HERC6: variants seen among roughly 807,000 people sequenced by gnomAD.
The protein encoded by HERC6 is probable E3 ubiquitin-protein ligase HERC6.
In HERC6, 101 loss-of-function variants were observed where a neutral mutation model predicts 114.5. That is an observed-to-expected ratio of 0.88 (90% confidence interval 0.75 to 1.04). The LOEUF (loss-of-function observed/expected upper bound fraction) is 1.04. Ranked by LOEUF, HERC6 falls within the 50% of genes least tolerant of loss-of-function variation. HERC6 has a pLI of 0.00. For missense variants in HERC6, 1,133 were observed against 1,230.9 expected, an observed-to-expected ratio of 0.92 and a Z score of 1.19; for synonymous variants, 408 against 436.2, an observed-to-expected ratio of 0.94 and a Z score of 0.81.
Position 88,428,691 on chromosome 4 carries a change from A to G in HERC6, c.2047A>G (p.Lys683Glu), listed in dbSNP as rs1025007992. Residue 683 changes from lysine to glutamate, a missense_variant, in exon 16 of 23, where the codon AAA (lysine) becomes GAA (glutamate). This residue lies in a region of HERC6 where 388 missense variants were observed against 445.9 expected (regional missense o/e 0.87). Transcript: ENST00000264346. ...TAGAGTCAGACGAAGTCGCCTGGTT[A>G]AAGATGCTCTGCGTCAATTAAGTCA... ...ILRVRRSRLV[K>E]DALRQLSQAE... The G allele has an allele frequency of 7.5e-6, 12 of 1,600,040 alleles. No individual in the cohort carries two copies. Among genetic ancestry groups the G allele is most frequent in the Middle Eastern group, 1.7e-4 (1 of 6,028 alleles).
chr4:88,404,370 G>C (rs1459567966), intron 8 of HERC6, among the ~76,000 whole-genome samples: 3 of 151,954 alleles, frequency 2.0e-5, no homozygotes, highest in East Asian at 1.9e-4. Context: ...TGTATTTTTA[G>C]TAGAGACAAG....
intron 8 of HERC6, among the ~76,000 whole-genome samples, chr4:88,400,055 C>G (rs1336060906): frequency 6.6e-6 from 1 of 152,142 alleles, no homozygotes; most frequent in Non-Finnish European, 1.5e-5. Flanking sequence ...AAGAGCTCGA[C>G]AAGATGGAGC....
chr4:88,383,458 T>C, intron 2 of HERC6, 78 bp downstream of exon 2: 1 of 1,182,264 alleles, frequency 8.5e-7, no homozygotes, highest in Non-Finnish European at 1.1e-6. Context: ...GATGCCAGGA[T>C]ACAAAGACGA....
chr4:88,401,295 C>T (rs560027157), intron 8 of HERC6, among the ~76,000 whole-genome samples: 1 of 151,896 alleles, frequency 6.6e-6, no homozygotes, highest in South Asian at 2.1e-4. Flanking sequence ...GAGTTCAAGA[C>T]CAGCCTGGCC....
Position 88,440,182 on chromosome 4 carries a change from A to T in HERC6, c.2774A>T (p.His925Leu). The change falls in exon 22 of 23, where the codon CAT becomes CTT. Residue 925 changes from histidine (H) to leucine (L), a missense_variant. By Grantham distance (99) the His-to-Leu change is moderately conservative. Coordinates refer to ENST00000264346, the MANE Select transcript of HERC6 (RefSeq NM_017912.4). ...SKYEQGYQKS[H>L]PTIQLFWKAF... The stretch of plus-strand genomic sequence containing the variant: ...TATGAGCAAGGATACCAAAAATCAC[A>T]TCCTACTATACAGTTGTTTTGGAAG... 1.2e-6 allele frequency: 2 copies of T among 1,609,280 alleles called. No homozygotes were observed. Among genetic ancestry groups the T allele is most frequent in the Non-Finnish European group, 1.7e-6 (2 of 1,177,430 alleles).
intron 11 of HERC6, among the ~76,000 whole-genome samples, chr4:88,411,011 G>T (rs573951821): frequency 1.3e-5 from 2 of 152,166 alleles, no homozygotes; most frequent in Admixed American, 6.6e-5. Flanking sequence ...CTCCAAAAAG[G>T]CATCTCAAAT....
In HERC6 at chr4:88,405,625, A is replaced by C. The variant is rs774275470; in HGVS notation, c.1274+12A>C. ...TTTTTAAAGAAAAGGTAATACTTAC[A>C]TAAGATTTACCTTCATTTAAAACAC... On this transcript the variant is annotated intron_variant, in intron 10 of 22. Coordinates refer to ENST00000264346, the MANE Select transcript of HERC6 (RefSeq NM_017912.4). 6.5e-6 allele frequency: 9 copies of C among 1,379,012 alleles called. No homozygotes were observed. The highest frequency in any genetic ancestry group is 2.0e-5 in the Admixed American group (1 of 49,844). 85.4% of individuals were successfully genotyped at this position (1,379,012 alleles called of 1,614,324 possible).
At chr4:88,427,525 C>T (rs543221957) in intron 15 of HERC6, among the ~76,000 whole-genome samples, 164 of 152,074 alleles carry the variant, frequency 1.1e-3, no homozygotes, top group Non-Finnish European at 1.6e-3. Context: ...CTTTTCCCTA[C>T]AAATCTGGTG....
intron 22 of HERC6, 81 bp downstream of exon 22, chr4:88,440,331 AG>A: frequency 1.2e-6 from 1 of 831,586 alleles, no homozygotes; most frequent in Non-Finnish European, 1.9e-6. Flanking sequence ...AAGCCATTGA[AG>A]TGGCCTCATT....
intron 1 of HERC6, among the ~76,000 whole-genome samples, chr4:88,379,566 C>T (rs1186977062): frequency 6.8e-6 from 1 of 147,600 alleles, no homozygotes; most frequent in Non-Finnish European, 1.5e-5. Flanking sequence ...ACCTTACAAA[C>T]GTGGTTTGTG....
At chr4:88,426,568 C>A (rs1330980037) in intron 15 of HERC6, among the ~76,000 whole-genome samples, 1 of 152,090 alleles carries the variant, frequency 6.6e-6, no homozygotes, top group Admixed American at 6.6e-5. Context: ...TAACCTTCAC[C>A]TCCCAGTTTC....
intron 15 of HERC6, 128 bp from the exon 16 acceptor site, chr4:88,428,452 T>C (rs889934160): frequency 1.1e-5 from 7 of 629,980 alleles, no homozygotes; most frequent in African/African-American, 9.5e-5. Context: ...ATAATTACAA[T>C]GTGAATGTTT....
intron 20 of HERC6, 95 bp downstream of exon 20, chr4:88,437,876 C>A: frequency 2.1e-6 from 2 of 930,860 alleles, no homozygotes; most frequent in Non-Finnish European, 3.3e-6. Flanking sequence ...ATATGGTTCA[C>A]ACCTGTAATC....
At position 88,408,512 on chromosome 4, in the gene HERC6, T is replaced by C. The variant is rs1417231136; in HGVS notation, c.1275-12T>C. ...ATGTTTATGTGGTTTCTTGCATTTCTTGTATCCAAAGAGGAACTGGAGAAA... is the reference window on the plus strand; with the variant it reads ...ATGTTTATGTGGTTTCTTGCATTTCCTGTATCCAAAGAGGAACTGGAGAAA... On this transcript the variant is annotated splice_polypyrimidine_tract_variant and intron_variant, in intron 10 of 22. Transcript: ENST00000264346. 1 of 1,541,636 alleles carries C rather than the reference T, an allele frequency of 6.5e-7. No individual in the cohort carries two copies.
chr4:88,423,540 G>T (rs1218275088), intron 13 of HERC6, among the ~76,000 whole-genome samples: 2 of 152,150 alleles, frequency 1.3e-5, no homozygotes, highest in Non-Finnish European at 2.9e-5. Context: ...TGCTGAATTT[G>T]TTAAAAGTAC....
intron 17 of HERC6, among the ~76,000 whole-genome samples, chr4:88,435,222 C>A (rs1738616407): frequency 6.6e-6 from 1 of 152,128 alleles, no homozygotes. Flanking sequence ...CTTCTACCTA[C>A]CTTCTTGGTC....
chr4:88,435,752 C>T lies in HERC6; in HGVS notation c.2278C>T (p.Leu760Phe). The T allele has an allele frequency of 1.3e-6, 2 of 1,569,370 alleles. No individual in the cohort carries two copies. Among genetic ancestry groups the T allele is most frequent in the Non-Finnish European group, 1.7e-6 (2 of 1,156,898 alleles). ...TAAACCTGAGAAGAAAAGATATTTC[C>T]TCTTTGGAATGCTGTGTGGACTCTC... The part of the protein sequence containing the change: ...KPKPEKKRYF[L>F]FGMLCGLSLF... The change falls in exon 18 of 23, where the codon CTC (leucine) becomes TTC (phenylalanine). Residue 760 changes from leucine to phenylalanine, a missense_variant. Transcript: ENST00000264346.
chr4:88,410,978 CT>C (rs1461670102), intron 11 of HERC6, among the ~76,000 whole-genome samples: 2 of 152,220 alleles, frequency 1.3e-5, no homozygotes, highest in African/African-American at 4.8e-5. Flanking sequence ...TAGAAGAGCT[CT>C]GCATTAGTTA....
intron 1 of HERC6, among the ~76,000 whole-genome samples, chr4:88,379,787 CAT>C (rs1378550632): frequency 5.8e-5 from 3 of 52,078 alleles, no homozygotes; most frequent in African/African-American, 7.8e-5. Context: ...ATATATATAA[CAT>C]ATAAATATAT....
Sources: gnomAD v4.1 joint callset for allele counts (sites outside exome capture counted in the v4.1 genomes callset) on GRCh38, gnomAD v4.1.1 for gene constraint, gnomAD v4.1.1 regional missense constraint, MANE v1.5 for transcripts, NCBI Gene and HGNC (gene_info 2026-07-23, HGNC 2026-07-21) for gene names.